Variants in PHACTR2 observed in about 807,000 individuals in gnomAD.
The protein encoded by PHACTR2 is chromosome 6 open reading frame 56.
Under a neutral mutation model 76.0 loss-of-function variants are expected in PHACTR2, and 30 were observed. The observed-to-expected ratio is 0.39, with a 90% CI of 0.30 to 0.54. The LOEUF is 0.54. Ranked by LOEUF, PHACTR2 falls within the 20% of genes least tolerant of loss-of-function variation. PHACTR2 has a pLI of 0.61. For missense variants in PHACTR2, 696 were observed against 781.1 expected, an observed-to-expected ratio of 0.89 and a Z score of 1.30; for synonymous variants, 292 against 292.5, an observed-to-expected ratio of 1.00 and a Z score of 0.02.
intron 1 of PHACTR2, among the ~76,000 whole-genome samples, chr6:143,586,288 G>A (rs538826140): frequency 3.7e-4 from 57 of 152,250 alleles, no homozygotes; most frequent in Non-Finnish European, 7.4e-4. Context: ...ATTTTTCTAC[G>A]AAACCATCAC....
chr6:143,697,490 A>G lies in PHACTR2; in HGVS notation c.47-14526A>G, dbSNP rs1737479418. On this transcript the variant is annotated intron_variant, in intron 1 of 12. Transcript: ENST00000440869. This position sits in a 1 kb window ranked among gnomAD's most constrained non-coding sequence, Gnocchi z 4.4. ...TATAAATTATTCCAGCTGTTTTTCA[A>G]TTATTTGTCTTTGATGAATTGTCTT... Among the ~76,000 whole-genome samples the G allele has an allele frequency of 6.6e-6, 1 of 152,200 alleles. No homozygotes were observed. Among genetic ancestry groups the G allele is most frequent in the African/African-American group, 2.4e-5 (1 of 41,456 alleles).
rs1775445835 is a variant in PHACTR2 at position 143,782,146 on chromosome 6, A to G, written c.1646-1073A>G. Among the ~76,000 whole-genome samples the G allele has an allele frequency of 6.6e-6, 1 of 152,230 alleles. No homozygotes were observed. The highest frequency in any genetic ancestry group is 2.4e-5 in the African/African-American group (1 of 41,472). On this transcript the variant is annotated intron_variant, in intron 9 of 12. Coordinates refer to ENST00000440869, the MANE Select transcript of PHACTR2 (RefSeq NM_001100164.2). The surrounding 1 kb of genome is among the most constrained non-coding windows in gnomAD (Gnocchi z 4.6). ...GGATTAAAAAAATTTTTTTTAATTG[A>G]ACCCGGGAAGCGGAGGTTGCGGTGA... is the stretch of plus-strand genomic sequence containing the variant.
chr6:143,575,208 G>A (rs1775491715), intron 1 of PHACTR2, among the ~76,000 whole-genome samples: 1 of 152,092 alleles, frequency 6.6e-6, no homozygotes, highest in African/African-American at 2.4e-5. Context: ...TTTATACATA[G>A]TCTTTGAACA....
rs951752589 is a variant in PHACTR2, at chr6:143,683,330, A to G, written c.46+5121A>G. ...ACTGCTTTAAACCAATGATTATATGAATGAGAGGTATGTATTTTTTATATT... is the reference window on the plus strand; with the variant it reads ...ACTGCTTTAAACCAATGATTATATGGATGAGAGGTATGTATTTTTTATATT... On this transcript the variant is annotated intron_variant, in intron 1 of 12. Transcript: ENST00000440869. The surrounding 1 kb of genome is among the most constrained non-coding windows in gnomAD (Gnocchi z 4.1). Among the ~76,000 whole-genome samples the G allele has an allele frequency of 6.6e-6, 1 of 152,250 alleles. No individual in the cohort carries two copies. Among genetic ancestry groups the G allele is most frequent in the Non-Finnish European group, 1.5e-5 (1 of 68,046 alleles).
intron 1 of PHACTR2, among the ~76,000 whole-genome samples, chr6:143,636,748 T>A (rs1776462068): frequency 6.6e-6 from 1 of 152,232 alleles, no homozygotes; most frequent in African/African-American, 2.4e-5. Context: ...ATTTGTATAT[T>A]ATTGTTTTCA....
At position 143,591,681 on chromosome 6, in the gene PHACTR2, G is replaced by A. The variant is rs751187684; in HGVS notation, c.217+54474G>A. 7.2e-5 allele frequency among the ~76,000 whole-genome samples: 11 copies of A among 152,208 alleles called. No individual in the cohort carries two copies. Among genetic ancestry groups the A allele is most frequent in the Non-Finnish European group, 1.0e-4 (7 of 68,036 alleles). On this transcript the variant is annotated intron_variant, in intron 1 of 11. Transcript: ENST00000367584. This position sits in a 1 kb window ranked among gnomAD's most constrained non-coding sequence, Gnocchi z 6.4. ...GGACATCTCAGAGAATTCCAGTGGC[G>A]ATAGATGACGATCCCAATGCTGCAC...
rs892486003 is a variant in PHACTR2 at position 143,822,458 on chromosome 6, A to C, written c.1923-1216A>C. On this transcript the variant is annotated intron_variant, in intron 12 of 12. Transcript: ENST00000440869. This position sits in a 1 kb window ranked among gnomAD's most constrained non-coding sequence, Gnocchi z 5.5. ...GGTGGGCAAATCGCTTGAGACCAGG[A>C]GTTCAAGACCAGCCTAGGTAACATA... Among the ~76,000 whole-genome samples, 26 of 152,218 alleles carry C rather than the reference A, an allele frequency of 1.7e-4. No homozygotes were observed. Among genetic ancestry groups the C allele is most frequent in the African/African-American group, 6.0e-4 (25 of 41,470 alleles).
rs1244292684 is a variant in PHACTR2 at position 143,807,719 on chromosome 6, C to A, written c.1922+586C>A. ...GAAGATGTAACTTTAGGATGGGAAT[C>A]CTGATTTTACTGGTGACGAAGGAGA... On this transcript the variant is annotated intron_variant, in intron 12 of 12. Coordinates refer to ENST00000440869, the MANE Select transcript of PHACTR2 (RefSeq NM_001100164.2). The surrounding 1 kb of genome is among the most constrained non-coding windows in gnomAD (Gnocchi z 5.5). Among the ~76,000 whole-genome samples the A allele has an allele frequency of 6.6e-6, 1 of 152,154 alleles. No individual in the cohort carries two copies. The highest frequency in any genetic ancestry group is 2.4e-5 in the African/African-American group (1 of 41,428).
chr6:143,738,187 G>A lies in PHACTR2; in HGVS notation c.215-10798G>A, dbSNP rs1043059434. 3.3e-5 allele frequency among the ~76,000 whole-genome samples: 5 copies of A among 152,068 alleles called. No homozygotes were observed. The highest frequency in any genetic ancestry group is 4.8e-5 in the African/African-American group (2 of 41,404). Reference sequence around the variant, plus strand: ...AGCACTTTGGGAGTCCTAGGCAGGCGGATCACAAGGTCAGGAGTTCGAAAC... The same window carrying A: ...AGCACTTTGGGAGTCCTAGGCAGGCAGATCACAAGGTCAGGAGTTCGAAAC... On this transcript the variant is annotated intron_variant, in intron 2 of 12. Transcript: ENST00000440869. This position sits in a 1 kb window ranked among gnomAD's most constrained non-coding sequence, Gnocchi z 4.0.
In PHACTR2 at chr6:143,774,240, TACTG is replaced by T; in HGVS notation, c.1589+29_1589+32del. On this transcript the variant is annotated intron_variant, in intron 8 of 12. Transcript: ENST00000440869. This position sits in a 1 kb window ranked among gnomAD's most constrained non-coding sequence, Gnocchi z 5.4. The stretch of plus-strand genomic sequence containing the variant: ...GGTAATTGCTAACATTTTAGGACAG[TACTG>T]ACTAATTTGTATTTTTCTCCCTCCC... 1 of 1,594,276 alleles carries T rather than the reference TACTG, an allele frequency of 6.3e-7. No homozygotes were observed. The highest frequency in any genetic ancestry group is 8.6e-7 in the Non-Finnish European group (1 of 1,164,890).
Position 143,712,178 on chromosome 6 carries a change from C to T in PHACTR2, c.209C>T (p.Ser70Leu), listed in dbSNP as rs766664422. 19 of 1,519,612 alleles carry T rather than the reference C, an allele frequency of 1.3e-5. No individual in the cohort carries two copies. The highest frequency in any genetic ancestry group is 1.4e-5 in the African/African-American group (1 of 70,982). 94.1% of individuals were successfully genotyped at this position (1,519,612 alleles called of 1,614,324 possible). Reference protein sequence around the residue: ...KKTSDKFRETSAVLERKISTR... With the variant: ...KKTSDKFRETLAVLERKISTR... ...ACCAGCGACAAATTTAGAGAAACCT[C>T]GGCAGGTATGAGTATCATAACTTGT... Residue 70 changes from serine to leucine, a missense_variant, in exon 2 of 13, where the codon TCG becomes TTG. This residue lies in a region of PHACTR2 where 460 missense variants were observed against 450.9 expected (regional missense o/e 1.02). Coordinates refer to ENST00000440869, the MANE Select transcript of PHACTR2 (RefSeq NM_001100164.2).
chr6:143,567,908 C>T lies in PHACTR2; in HGVS notation c.217+30701C>T, dbSNP rs1049539941. 2.8e-4 allele frequency among the ~76,000 whole-genome samples: 42 copies of T among 152,138 alleles called. 1 individual carries two copies. Among genetic ancestry groups the T allele is most frequent in the African/African-American group, 2.2e-4 (9 of 41,444 alleles). On this transcript the variant is annotated intron_variant, in intron 1 of 11. Transcript: ENST00000367584. The stretch of plus-strand genomic sequence containing the variant: ...AAACAGAAGCAATTGAAGCATTGAG[C>T]GTCAAACTTTACCTCTAGAAACGTT...
rs56392216 is a variant in PHACTR2 at position 143,633,097 on chromosome 6, A to G, written c.13+24775A>G. Among the ~76,000 whole-genome samples the G allele has an allele frequency of 0.17, 25,829 of 152,198 alleles. 2,651 individuals carry two copies. The highest frequency in any genetic ancestry group is 0.28 in the South Asian group (1,368 of 4,816). ...GTGTGCAGGGCTTTTTGCTGACATA[A>G]TCTTTCAGCCGATTTGGTTAAATAC... is the stretch of plus-strand genomic sequence containing the variant. On this transcript the variant is annotated intron_variant, in intron 1 of 11. Transcript: ENST00000305766. The surrounding 1 kb of genome is among the most constrained non-coding windows in gnomAD (Gnocchi z 4.1).
rs1445081997 is a variant in PHACTR2, at chr6:143,659,090, G to A, written c.13+50768G>A. 6.6e-6 allele frequency among the ~76,000 whole-genome samples: 1 copy of A among 152,030 alleles called. No individual in the cohort carries two copies. The highest frequency in any genetic ancestry group is 1.5e-5 in the Non-Finnish European group (1 of 68,012). ...ACACTTACCATGAATGGAGCTTGCA[G>A]GACTGGAGGTTGCCCTAGGTAAGTC... On this transcript the variant is annotated intron_variant, in intron 1 of 11. Transcript: ENST00000305766. This position sits in a 1 kb window ranked among gnomAD's most constrained non-coding sequence, Gnocchi z 5.0.
chr6:143,748,896 A>G, intron 2 of PHACTR2, 89 bp from the exon 3 acceptor site: 2 of 704,270 alleles, frequency 2.8e-6, no homozygotes, highest in East Asian at 5.5e-5. Context: ...ATGTGAGGAG[A>G]ATAAATGTGC....
intron 1 of PHACTR2, among the ~76,000 whole-genome samples, chr6:143,704,436 T>C (rs1432844392): frequency 6.6e-6 from 1 of 152,166 alleles, no homozygotes; most frequent in Non-Finnish European, 1.5e-5. Context: ...TAAAAGACAG[T>C]AGGCACCGAG....
chr6:143,805,811 A>G (rs1776051180), intron 11 of PHACTR2, among the ~76,000 whole-genome samples: 1 of 152,246 alleles, frequency 6.6e-6, no homozygotes, highest in South Asian at 2.1e-4. Context: ...AATCTGTGAC[A>G]TGGACTTAAA....
rs1397539490 is a variant in PHACTR2, at chr6:143,653,189, G to A, written c.13+44867G>A. Reference sequence around the variant, plus strand: ...GGAAACAAGGCCAGTCGCAAGACACGTCAGGAAGCAATTTGTGCATCGAGA... The same window carrying A: ...GGAAACAAGGCCAGTCGCAAGACACATCAGGAAGCAATTTGTGCATCGAGA... On this transcript the variant is annotated intron_variant, in intron 1 of 11. Transcript: ENST00000305766. This position sits in a 1 kb window ranked among gnomAD's most constrained non-coding sequence, Gnocchi z 4.9. Among the ~76,000 whole-genome samples, 1 of 152,154 alleles carries A rather than the reference G, an allele frequency of 6.6e-6. No individual in the cohort carries two copies. Among genetic ancestry groups the A allele is most frequent in the Non-Finnish European group, 1.5e-5 (1 of 68,036 alleles).
chr6:143,670,916 G>A (rs918367024), intron 1 of PHACTR2, among the ~76,000 whole-genome samples: 1 of 142,190 alleles, frequency 7.0e-6, no homozygotes, highest in African/African-American at 2.8e-5. Flanking sequence ...TGGAGGAGAA[G>A]AAGGCCAAGG....
Sources: allele counts gnomAD v4.1 joint callset (sites outside exome capture counted in the v4.1 genomes callset), GRCh38; gene constraint gnomAD v4.1.1; regional missense constraint gnomAD v4.1.1; non-coding constraint Gnocchi (gnomAD v3.1); transcripts MANE v1.5; gene names NCBI Gene and HGNC (gene_info 2026-07-23, HGNC 2026-07-21).